TRAFD1: variants seen among roughly 807,000 people sequenced by gnomAD.
The protein encoded by TRAFD1 is TRAF-type zinc finger domain-containing protein 1.
A neutral mutation model predicts 65.3 loss-of-function variants in TRAFD1; 38 were observed. That is an observed-to-expected ratio of 0.58 (90% CI 0.45 to 0.76). The LOEUF (loss-of-function observed/expected upper bound fraction) is 0.76, where lower values mean the gene tolerates loss of function less well. TRAFD1 is among the 30% of genes least tolerant of loss of function. TRAFD1 has a pLI of 0.00. For synonymous variants in TRAFD1, 223 were observed against 257.2 expected (o/e 0.87, Z 1.27); for missense variants, 631 against 712.6 (o/e 0.89, Z 1.30).
chr12:112,151,330 G>T (rs997769567), intron 9 of TRAFD1, among the ~76,000 whole-genome samples: 4 of 152,080 alleles, frequency 2.6e-5, no homozygotes, highest in Admixed American at 6.5e-5. Context: ...GTGCAGAATT[G>T]ATAAAATATC....
chr12:112,135,646 T>G (rs2079595386), intron 4 of TRAFD1, among the ~76,000 whole-genome samples: 1 of 151,928 alleles, frequency 6.6e-6, no homozygotes. Context: ...GACCTTGTGA[T>G]CTGCCTGTCT....
At chr12:112,134,177 A>G (rs2079581985) in intron 2 of TRAFD1, among the ~76,000 whole-genome samples, 1 of 146,754 alleles carries the variant, frequency 6.8e-6, no homozygotes, top group African/African-American at 2.5e-5. Flanking sequence ...CACCTGGCTA[A>G]TTTTGTATTT....
At position 112,152,261 on chromosome 12, in the gene TRAFD1, T is replaced by C; in HGVS notation, c.1619+121T>C. 7.1e-7 allele frequency: 1 copy of C among 1,406,236 alleles called. No individual in the cohort carries two copies. Among genetic ancestry groups the C allele is most frequent in the Non-Finnish European group, 9.7e-7 (1 of 1,032,946 alleles). The allele number at this position is 1,406,236 out of a possible 1,614,324, so 87.1% of individuals were successfully genotyped here. A position where few individuals can be genotyped will look rare whatever the true frequency, so the allele number is the denominator to read the frequency against. ...GGTACTTGCATGGTAAGGGGAGGAG[T>C]ATGGATTTTCCCTGTATTGTCACCT... On this transcript the variant is annotated intron_variant, in intron 10 of 11. Transcript: ENST00000412615. This position sits in a 1 kb window ranked among gnomAD's most constrained non-coding sequence, Gnocchi z 5.0.
chr12:112,138,857 CAAAAA>C (rs58777732), intron 4 of TRAFD1, among the ~76,000 whole-genome samples: 2 of 83,256 alleles, frequency 2.4e-5, no homozygotes, highest in African/African-American at 7.9e-5. Context: ...AACTCCGTCT[CAAAAA>C]AAAAAAAAAA....
intron 9 of TRAFD1, among the ~76,000 whole-genome samples, chr12:112,151,069 C>T (rs1329590980): frequency 6.6e-6 from 1 of 151,854 alleles, no homozygotes; most frequent in African/African-American, 2.4e-5. Flanking sequence ...GAAACCCCGT[C>T]TCTACTAAAA....
intron 9 of TRAFD1, among the ~76,000 whole-genome samples, chr12:112,150,434 A>G (rs1197197904): frequency 1.3e-5 from 2 of 151,990 alleles, no homozygotes; most frequent in African/African-American, 2.4e-5. Flanking sequence ...GTTTTTGTAG[A>G]GATAGGGTCT....
In TRAFD1 at chr12:112,128,817, G is replaced by T. The variant is rs116127645; in HGVS notation, c.-12-1694G>T. Among the ~76,000 whole-genome samples the T allele has an allele frequency of 9.7e-3, 1,480 of 152,172 alleles. 25 individuals carry two copies. The highest frequency in any genetic ancestry group is 0.034 in the African/African-American group (1,405 of 41,522). ...TTTGGGAGGCTGAGGCTGGCTGGTG[G>T]ATCATATGAGGTCAGGAGTTTGAGA... On this transcript the variant is annotated intron_variant, in intron 1 of 11. Transcript: ENST00000412615.
At chr12:112,138,371 G>A (rs1343329767) in intron 4 of TRAFD1, among the ~76,000 whole-genome samples, 2 of 152,146 alleles carry the variant, frequency 1.3e-5, no homozygotes, top group East Asian at 3.9e-4. Context: ...TCAACATGGT[G>A]AAACCCCATC....
intron 4 of TRAFD1, among the ~76,000 whole-genome samples, chr12:112,140,539 G>C (rs986661543): frequency 2.6e-5 from 4 of 152,076 alleles, no homozygotes; most frequent in Admixed American, 1.3e-4. Flanking sequence ...TTCTCTGGCT[G>C]GTTTTAGATT....
At chr12:112,136,672 C>G (rs2029922194) in intron 4 of TRAFD1, among the ~76,000 whole-genome samples, 2 of 152,176 alleles carry the variant, frequency 1.3e-5, no homozygotes, top group South Asian at 4.1e-4. Flanking sequence ...GATCATAACT[C>G]ACTGCAGCCT....
At position 112,148,058 on chromosome 12, in the gene TRAFD1, A is replaced by G. The variant is rs1941755269; in HGVS notation, c.928-16A>G. On this transcript the variant is annotated splice_polypyrimidine_tract_variant and intron_variant, in intron 7 of 11. Coordinates refer to ENST00000412615, the MANE Select transcript of TRAFD1 (RefSeq NM_006700.3). ...CCTCTGATTCTTGTTTTTAACCTAT[A>G]TTTTTTGAATGACAGACAAGCTGTA... 6.3e-7 allele frequency: 1 copy of G among 1,598,072 alleles called. No individual in the cohort carries two copies. The highest frequency in any genetic ancestry group is 8.6e-7 in the Non-Finnish European group (1 of 1,168,552).
At position 112,140,921 on chromosome 12, in the gene TRAFD1, G is replaced by A. The variant is rs1298390774; in HGVS notation, c.340G>A (p.Glu114Lys). The change falls in exon 5 of 12, where the codon GAA becomes AAA. Residue 114 changes from glutamate (E) to lysine (K), a missense_variant. Coordinates refer to ENST00000412615, the MANE Select transcript of TRAFD1 (RefSeq NM_006700.3). ...TGAAGATTATTGTGGTGCCCGGACG[G>A]AACTATGTGGCAACTGTGGTCGCAA... ...EHEDYCGART[E>K]LCGNCGRNVL... The A allele has an allele frequency of 7.4e-6, 12 of 1,614,200 alleles. No individual in the cohort carries two copies. The highest frequency in any genetic ancestry group is 1.0e-5 in the Non-Finnish European group (12 of 1,180,048).
chr12:112,135,867 G>A (rs944998924), intron 4 of TRAFD1, among the ~76,000 whole-genome samples: 2 of 149,540 alleles, frequency 1.3e-5, no homozygotes, highest in African/African-American at 4.9e-5. Flanking sequence ...GGTCGGCTGG[G>A]CATGGTGGCT....
chr12:112,125,575 T>C lies in TRAFD1; in HGVS notation c.-56T>C, dbSNP rs906231088. On this transcript the variant is annotated 5_prime_UTR_variant, in exon 1 of 12. Transcript: ENST00000412615. ...GGGGTCTGACAGAGGAGGCTCCGTG[T>C]CTGCAGCTAGTGTGTCAACTCAGCG... The C allele has an allele frequency of 6.6e-6, 1 of 152,484 alleles. No homozygotes were observed. The highest frequency in any genetic ancestry group is 1.5e-5 in the Non-Finnish European group (1 of 68,222). 9.4% of individuals were successfully genotyped at this position (152,484 alleles called of 1,614,324 possible).
chr12:112,136,824 C>T (rs2029924393), intron 4 of TRAFD1, among the ~76,000 whole-genome samples: 2 of 152,214 alleles, frequency 1.3e-5, no homozygotes, highest in African/African-American at 4.8e-5. Context: ...AACTCTTGGC[C>T]TCAAGTGATC....
intron 6 of TRAFD1, among the ~76,000 whole-genome samples, chr12:112,143,414 G>A (rs1329908031): frequency 3.3e-5 from 5 of 151,426 alleles, no homozygotes; most frequent in Non-Finnish European, 7.4e-5. Context: ...TAGTAGAGAC[G>A]GGGTTTCGCC....
chr12:112,136,121 TAC>T (rs2029898450), intron 4 of TRAFD1, among the ~76,000 whole-genome samples: 1 of 149,738 alleles, frequency 6.7e-6, no homozygotes, highest in Admixed American at 6.7e-5. Context: ...AGGGTGAGAC[TAC>T]ATCTCAAAAA....
chr12:112,143,654 A>T (rs942731002), intron 6 of TRAFD1, among the ~76,000 whole-genome samples: 1 of 148,130 alleles, frequency 6.8e-6, no homozygotes, highest in Non-Finnish European at 1.5e-5. Context: ...GTTCTGTTTG[A>T]TCCTTTTCCT....
At position 112,153,230 on chromosome 12, in the gene TRAFD1, A is replaced by T. The variant is rs921817274; in HGVS notation, c.*439A>T. The T allele has an allele frequency of 4.2e-5, 7 of 165,548 alleles. No homozygotes were observed. The highest frequency in any genetic ancestry group is 3.9e-5 in the Non-Finnish European group (3 of 76,172). The allele number at this position is 165,548 out of a possible 1,614,324, so 10.3% of individuals were successfully genotyped here. A position where few individuals can be genotyped will look rare whatever the true frequency, so the allele number is the denominator to read the frequency against. On this transcript the variant is annotated 3_prime_UTR_variant, in exon 12 of 12. Transcript: ENST00000412615. Reference sequence around the variant, plus strand: ...CTCTCCGTGTACTGCGTCTGTCCACACTCGATTGGGCCCCAGGTGTGTATG... The same window carrying T: ...CTCTCCGTGTACTGCGTCTGTCCACTCTCGATTGGGCCCCAGGTGTGTATG...
Sources: allele counts gnomAD v4.1 joint callset (sites outside exome capture counted in the v4.1 genomes callset), GRCh38; gene constraint gnomAD v4.1.1; non-coding constraint Gnocchi (gnomAD v3.1); transcripts MANE v1.5; gene names NCBI Gene and HGNC (gene_info 2026-07-23, HGNC 2026-07-21).